The following GSPT1 variants were observed in gnomAD, a reference collection of about 807,000 sequenced individuals.
The protein encoded by GSPT1 is G1 to S phase transition 1.
A neutral mutation model predicts 72.5 loss-of-function variants in GSPT1; 20 were observed. The observed-to-expected ratio is 0.28, with a 90% CI of 0.19 to 0.40. GSPT1 has a LOEUF of 0.40. Among genes scored for constraint, GSPT1 ranks in the 10% least tolerant of loss-of-function variants. GSPT1 has a pLI of 1.00. For synonymous variants in GSPT1, 334 were observed against 293.5 expected (o/e 1.14, Z -1.41); for missense variants, 580 against 811.9 (o/e 0.71, Z 3.47).
intron 11 of GSPT1, chr16:11,881,495 G>A (rs985522013): frequency 3.9e-5 from 6 of 151,982 alleles, no homozygotes; most frequent in African/African-American, 1.5e-4. Context: ...TTGCAATTCA[G>A]TGCCATCTAG....
intron 4 of GSPT1, among the ~76,000 whole-genome samples, 156 bp downstream of exon 4, chr16:11,896,402 T>C (rs142787244): frequency 2.0e-5 from 3 of 152,370 alleles, no homozygotes; most frequent in Non-Finnish European, 1.5e-5. Flanking sequence ...AAAAAAGTAC[T>C]TGCAATTTTT....
Position 11,915,594 on chromosome 16 carries a change from G to A in GSPT1, c.127C>T (p.Pro43Ser). 6.7e-7 allele frequency: 1 copy of A among 1,488,638 alleles called. No individual in the cohort carries two copies. The highest frequency in any genetic ancestry group is 2.3e-5 in the Admixed American group (1 of 42,732). 92.2% of individuals were successfully genotyped at this position (1,488,638 alleles called of 1,614,324 possible). Residue 43 changes from proline to serine, a missense_variant, in exon 1 of 15, where the codon CCT becomes TCT. Physicochemically the swap from Pro to Ser is moderately conservative, Grantham distance 74. Around this residue, in one of 6 missense-constraint regions of GSPT1, gnomAD observed 327 missense variants for 298.8 expected, o/e 1.09. Transcript: ENST00000434724. The part of the protein sequence containing the change: ...QADMEAPGPG[P>S]CGGGGSLAAA... ...GCCAGGGAGCCGCCGCCGCCGCAAG[G>A]GCCCGGCCCGGGGGCTTCCATGTCC...
intron 1 of GSPT1, among the ~76,000 whole-genome samples, chr16:11,905,387 T>C (rs1388548363): frequency 6.6e-6 from 1 of 152,238 alleles, no homozygotes; most frequent in Admixed American, 6.5e-5. Context: ...GATTACACTT[T>C]GGATAACAGT....
In GSPT1 at chr16:11,915,631, G is replaced by A. The variant is rs1323945782; in HGVS notation, c.90C>T (p.Cys30=). The A allele has an allele frequency of 6.1e-6, 9 of 1,486,968 alleles. No individual in the cohort carries two copies. In the South Asian group the frequency reaches 1.1e-4, roughly 19 times the overall value. 92.1% of individuals were successfully genotyped at this position (1,486,968 alleles called of 1,614,324 possible). Residue 30 remains cysteine (C), a synonymous_variant, in exon 1 of 15, where the codon TGC becomes TGT. Transcript: ENST00000434724. ...GGGCTTCCATGTCCGCCTGGTCCCA[G>A]CAGTCAGGCGCCGAGTCGCTGCTGC... ...GSSSSDSAPD[C]WDQADMEAPG...
intron 10 of GSPT1, among the ~76,000 whole-genome samples, chr16:11,883,773 T>G (rs1490277034): frequency 6.6e-6 from 1 of 150,894 alleles, no homozygotes; most frequent in Non-Finnish European, 1.5e-5. Context: ...ATTAGCTGGG[T>G]GTGGTGGTAC....
At chr16:11,895,889 T>C (rs1369273130) in intron 4 of GSPT1, among the ~76,000 whole-genome samples, 2 of 152,246 alleles carry the variant, frequency 1.3e-5, no homozygotes, top group Non-Finnish European at 2.9e-5. Context: ...CCTCCCAAAG[T>C]GCTGGGATTA....
At chr16:11,886,686 T>G in intron 8 of GSPT1, 75 bp from the exon 9 acceptor site, 1 of 1,548,494 alleles carries the variant, frequency 6.5e-7, no homozygotes. Flanking sequence ...GTAAACAGAT[T>G]AAGGTTTAGA....
chr16:11,896,358 C>T (rs549587233), intron 4 of GSPT1, among the ~76,000 whole-genome samples, 200 bp downstream of exon 4: 1 of 152,006 alleles, frequency 6.6e-6, no homozygotes, highest in East Asian at 1.9e-4. Context: ...GCATCTATGC[C>T]GTTACAGAAT....
chr16:11,897,253 G>C (rs1382670405), intron 3 of GSPT1, among the ~76,000 whole-genome samples: 2 of 152,120 alleles, frequency 1.3e-5, no homozygotes, highest in African/African-American at 4.8e-5. Context: ...AAACCCTTAA[G>C]AATAAAGTTA....
At chr16:11,884,794 C>T (rs1361386375) in intron 10 of GSPT1, among the ~76,000 whole-genome samples, 4 of 139,942 alleles carry the variant, frequency 2.9e-5, no homozygotes, top group South Asian at 4.5e-4. Context: ...AGGCCAGGTA[C>T]GGTGGCTCAC....
intron 14 of GSPT1, among the ~76,000 whole-genome samples, chr16:11,873,920 G>C (rs1487797641): frequency 6.6e-6 from 1 of 152,162 alleles, no homozygotes; most frequent in Non-Finnish European, 1.5e-5. Context: ...AATAAGAAAA[G>C]GGAATATCCG....
chr16:11,898,732 G>T (rs910571594), intron 1 of GSPT1, among the ~76,000 whole-genome samples: 1 of 151,788 alleles, frequency 6.6e-6, no homozygotes, highest in Admixed American at 6.6e-5. Context: ...TTACAGGCTT[G>T]AGCCACCGCA....
intron 1 of GSPT1, among the ~76,000 whole-genome samples, chr16:11,900,529 A>T (rs945925791): frequency 2.0e-5 from 3 of 152,066 alleles, no homozygotes; most frequent in Admixed American, 2.0e-4. Flanking sequence ...AGCCTTAGGA[A>T]ACAGATCCTG....
rs1244999318 is a variant in GSPT1, at chr16:11,887,425, G to A, written c.957+145C>T. 7.7e-6 allele frequency: 5 copies of A among 653,234 alleles called. No homozygotes were observed. The East Asian group carries it at 1.4e-4, about 18-fold the overall frequency. The allele number at this position is 653,234 out of a possible 1,614,324, so 40.5% of individuals were successfully genotyped here. A position where few individuals can be genotyped will look rare whatever the true frequency, so the allele number is the denominator to read the frequency against. On this transcript the variant is annotated intron_variant, in intron 7 of 14. Coordinates refer to ENST00000434724, the MANE Select transcript of GSPT1 (RefSeq NM_002094.4). ...AAATTTTGAAGATTTCTTGAAGAGA[G>A]ATTAGTATGATGAAAACTGTGACCG...
At position 11,891,393 on chromosome 16, in the gene GSPT1, G is replaced by A. The variant is rs183796809; in HGVS notation, c.699-254C>T. 6.0e-3 allele frequency among the ~76,000 whole-genome samples: 861 copies of A among 143,418 alleles called. 6 individuals are homozygous for A. The highest frequency in any genetic ancestry group is 9.7e-3 in the South Asian group (45 of 4,652). 94.1% of individuals were successfully genotyped at this position (143,418 alleles called of 152,430 possible). A position where few individuals can be genotyped will look rare whatever the true frequency, so the allele number is the denominator to read the frequency against. On this transcript the variant is annotated intron_variant, in intron 5 of 14. Transcript: ENST00000434724. ...ATTTTTTTTTTTGAGACAGAGTTTC[G>A]CTCTTGTCATCCACCTGGAGTGCAA... is the stretch of plus-strand genomic sequence containing the variant.
chr16:11,906,857 T>A (rs985217981), intron 1 of GSPT1, among the ~76,000 whole-genome samples: 2 of 152,042 alleles, frequency 1.3e-5, no homozygotes, highest in African/African-American at 4.8e-5. Flanking sequence ...TTAATGTAAA[T>A]CCCTCCAACA....
chr16:11,870,363 T>A lies in GSPT1; in HGVS notation c.*2756A>T, dbSNP rs2053965225. On this transcript the variant is annotated 3_prime_UTR_variant, in exon 15 of 15. Transcript: ENST00000434724. ...ATTTCTTAAATTCACTTTATTAATT[T>A]AAAAAACTAAATAATCGCATGAAAG... The A allele has an allele frequency of 6.6e-6, 1 of 152,218 alleles. No homozygotes were observed. The highest frequency in any genetic ancestry group is 2.1e-4 in the South Asian group (1 of 4,830). The allele number at this position is 152,218 out of a possible 1,614,324, so 9.4% of individuals were successfully genotyped here.
intron 11 of GSPT1, among the ~76,000 whole-genome samples, chr16:11,878,597 A>G (rs1371266363): frequency 4.1e-5 from 6 of 146,998 alleles, no homozygotes; most frequent in Admixed American, 3.4e-4. Flanking sequence ...CTGTCTTTAA[A>G]AAAAAAAAAA....
chr16:11,885,755 G>C (rs1417860156), intron 9 of GSPT1, among the ~76,000 whole-genome samples: 2 of 152,072 alleles, frequency 1.3e-5, no homozygotes, highest in African/African-American at 4.8e-5. Context: ...AGCCGGGTGC[G>C]GTGGCATGTG....
Sources: allele counts gnomAD v4.1 joint callset (sites outside exome capture counted in the v4.1 genomes callset), GRCh38; gene constraint gnomAD v4.1.1; regional missense constraint gnomAD v4.1.1; transcripts MANE v1.5; gene names NCBI Gene and HGNC (gene_info 2026-07-23, HGNC 2026-07-21).